Variants in CTDSPL observed in about 807,000 individuals in gnomAD.
The protein encoded by CTDSPL is CTD small phosphatase like.
A neutral mutation model predicts 30.5 loss-of-function variants in CTDSPL; 8 were observed. That is an observed-to-expected ratio of 0.26 (90% CI 0.15 to 0.47). The LOEUF is 0.47. Among genes scored for constraint, CTDSPL ranks in the 20% least tolerant of loss-of-function variants. CTDSPL has a pLI of 0.99. For missense variants in CTDSPL, 248 were observed against 366.1 expected, an observed-to-expected ratio of 0.68 and a Z score of 2.63; for synonymous variants, 110 against 137.9, an observed-to-expected ratio of 0.80 and a Z score of 1.42.
intron 1 of CTDSPL, among the ~76,000 whole-genome samples, chr3:37,904,208 T>C (rs371384513): frequency 6.6e-6 from 1 of 152,254 alleles, no homozygotes; most frequent in African/African-American, 2.4e-5. Context: ...CATTTGCACC[T>C]GAAGCAGAGA....
rs563446198 is a variant in CTDSPL, at chr3:37,913,261, A to G, written c.80-33796A>G. Among the ~76,000 whole-genome samples, 4 of 152,306 alleles carry G rather than the reference A, an allele frequency of 2.6e-5. No homozygotes were observed. The South Asian group carries it at 8.3e-4, about 32-fold the overall frequency. On this transcript the variant is annotated intron_variant, in intron 1 of 7. Transcript: ENST00000273179. The stretch of plus-strand genomic sequence containing the variant: ...CTTGAGCCCAGGAGGTGGAGGTTGC[A>G]GTGAGCTGAGATTGTGCCACTGCAC...
In CTDSPL at chr3:37,975,668, CTT is replaced by C. The variant is rs1277563166; in HGVS notation, c.520-38_520-37del. The C allele has an allele frequency of 1.3e-6, 2 of 1,558,200 alleles. No homozygotes were observed. Among genetic ancestry groups the C allele is most frequent in the South Asian group, 1.2e-5 (1 of 83,676 alleles). On this transcript the variant is annotated intron_variant, in intron 6 of 7. Transcript: ENST00000273179. The surrounding 1 kb of genome is among the most constrained non-coding windows in gnomAD (Gnocchi z 4.9). Reference sequence around the variant, plus strand: ...GCTGTAGTTCAGGGTTTGGGGGGCTCTTTTAAACACCCAGCCTTCATTGTGAC... The same window carrying C: ...GCTGTAGTTCAGGGTTTGGGGGGCTCTTAAACACCCAGCCTTCATTGTGAC...
intron 3 of CTDSPL, among the ~76,000 whole-genome samples, chr3:37,960,535 TACACACACACACACACACAC>T (rs71288085): frequency 6.1e-5 from 1 of 16,302 alleles, no homozygotes; most frequent in Admixed American, 1.4e-3. Context: ...TATATATATA[TACACACACACACACACACAC>T]ACACACACAC....
intron 1 of CTDSPL, among the ~76,000 whole-genome samples, chr3:37,868,668 C>T (rs1022763774): frequency 1.3e-5 from 2 of 152,036 alleles, no homozygotes; most frequent in African/African-American, 4.8e-5. Context: ...ATCTGTCCTT[C>T]CTCCTTTGAA....
Position 37,983,170 on chromosome 3 carries a change from G to A in CTDSPL, c.*2303G>A, listed in dbSNP as rs1699512309. On this transcript the variant is annotated 3_prime_UTR_variant, in exon 8 of 8. Transcript: ENST00000273179. The stretch of plus-strand genomic sequence containing the variant: ...CTGCACCACGGACACAGAATGTCTG[G>A]AGAGGGCCAGCAGGCCCTCTGAGGG... 6.6e-6 allele frequency: 1 copy of A among 152,568 alleles called. No homozygotes were observed. Among genetic ancestry groups the A allele is most frequent in the Admixed American group, 6.5e-5 (1 of 15,322 alleles). The allele number at this position is 152,568 out of a possible 1,614,324, so 9.5% of individuals were successfully genotyped here.
At chr3:37,976,036 C>A in intron 7 of CTDSPL, 142 bp downstream of exon 7, 1 of 886,550 alleles carries the variant, frequency 1.1e-6, no homozygotes, top group Non-Finnish European at 1.7e-6. Context: ...TTAGCAGTTG[C>A]GTGTCATTGA....
intron 6 of CTDSPL, among the ~76,000 whole-genome samples, chr3:37,972,834 C>G (rs1310292655): frequency 6.6e-6 from 1 of 152,244 alleles, no homozygotes; most frequent in Non-Finnish European, 1.5e-5. Context: ...CCATGGGCAT[C>G]TCAGGGACCC....
rs1699510784 is a variant in CTDSPL, at chr3:37,983,070, T to C, written c.*2203T>C. 5.7e-6 allele frequency: 1 copy of C among 175,914 alleles called. No individual in the cohort carries two copies. The highest frequency in any genetic ancestry group is 1.2e-4 in the South Asian group (1 of 8,476). 10.9% of individuals were successfully genotyped at this position (175,914 alleles called of 1,614,324 possible). A position where few individuals can be genotyped will look rare whatever the true frequency, so the allele number is the denominator to read the frequency against. ...ACTTGGCAGACTTGAGCCAGACACT[T>C]CACCTAGTAGTTCCTGAAACTGTGA... On this transcript the variant is annotated 3_prime_UTR_variant, in exon 8 of 8. Coordinates refer to ENST00000273179, the MANE Select transcript of CTDSPL (RefSeq NM_001008392.2).
chr3:37,939,116 T>C (rs1159310528), intron 1 of CTDSPL, among the ~76,000 whole-genome samples: 1 of 150,220 alleles, frequency 6.7e-6, no homozygotes, highest in Non-Finnish European at 1.5e-5. Context: ...CAGGCTGTTT[T>C]TGTGAGGACC....
intron 1 of CTDSPL, among the ~76,000 whole-genome samples, chr3:37,938,130 G>T (rs1698935783): frequency 6.7e-6 from 1 of 150,174 alleles, no homozygotes; most frequent in African/African-American, 2.4e-5. Context: ...CTCTGATCTT[G>T]TCCTGAACTC....
chr3:37,862,142 C>A lies in CTDSPL; in HGVS notation c.-58C>A. The A allele has an allele frequency of 1.1e-6, 1 of 911,378 alleles. No homozygotes were observed. Among genetic ancestry groups the A allele is most frequent in the Non-Finnish European group, 1.3e-6 (1 of 766,092 alleles). 56.5% of individuals were successfully genotyped at this position (911,378 alleles called of 1,614,324 possible). A position where few individuals can be genotyped will look rare whatever the true frequency, so the allele number is the denominator to read the frequency against. ...GCCCCCGCGCCCCCCGCGCCGCGCC[C>A]CCGCGCGCTTGGCTTGCGGGGGGCC... On this transcript the variant is annotated 5_prime_UTR_variant, in exon 1 of 8. Transcript: ENST00000273179. This position sits in a 1 kb window ranked among gnomAD's most constrained non-coding sequence, Gnocchi z 4.3.
chr3:37,912,949 C>G (rs1005580774), intron 1 of CTDSPL, among the ~76,000 whole-genome samples: 1 of 152,160 alleles, frequency 6.6e-6, no homozygotes, highest in African/African-American at 2.4e-5. Context: ...CAAAAATTTT[C>G]CTTTCACATA....
intron 1 of CTDSPL, among the ~76,000 whole-genome samples, chr3:37,884,901 G>A (rs918106346): frequency 2.6e-5 from 4 of 152,106 alleles, no homozygotes; most frequent in African/African-American, 9.7e-5. Context: ...GGGGTCTTGA[G>A]GAAAGTGATA....
At chr3:37,930,112 A>C (rs1450655596) in intron 1 of CTDSPL, among the ~76,000 whole-genome samples, 3 of 128,888 alleles carry the variant, frequency 2.3e-5, no homozygotes, top group Non-Finnish European at 5.0e-5. Flanking sequence ...GTCTCAAAAA[A>C]AAAGAAAAAA....
intron 1 of CTDSPL, among the ~76,000 whole-genome samples, chr3:37,917,958 A>T (rs1218752188): frequency 6.6e-6 from 1 of 152,170 alleles, no homozygotes. Context: ...AGAATTTCCA[A>T]GTTTCGTAGA....
intron 1 of CTDSPL, among the ~76,000 whole-genome samples, chr3:37,870,242 T>G (rs955250452): frequency 1.1e-4 from 16 of 152,104 alleles, no homozygotes; most frequent in African/African-American, 3.9e-4. Flanking sequence ...TTAATAGTTA[T>G]AGAGCTATTT....
At chr3:37,951,309 AT>A in intron 2 of CTDSPL, among the ~76,000 whole-genome samples, 1 of 151,744 alleles carries the variant, frequency 6.6e-6, no homozygotes, top group Non-Finnish European at 1.5e-5. Flanking sequence ...TGGAGCTTGC[AT>A]TGAGCCGAGA....
chr3:37,896,671 T>C (rs1002190994), intron 1 of CTDSPL, among the ~76,000 whole-genome samples: 8 of 152,082 alleles, frequency 5.3e-5, no homozygotes, highest in African/African-American at 1.9e-4. Flanking sequence ...CCTGAGTAGC[T>C]GGAACTACAG....
intron 1 of CTDSPL, among the ~76,000 whole-genome samples, chr3:37,893,665 G>A (rs184135811): frequency 6.6e-6 from 1 of 152,226 alleles, no homozygotes; most frequent in African/African-American, 2.4e-5. Flanking sequence ...TCTAGGTCTC[G>A]ATAATGTTTA....
Sources: allele counts gnomAD v4.1 joint callset (sites outside exome capture counted in the v4.1 genomes callset), GRCh38; gene constraint gnomAD v4.1.1; non-coding constraint Gnocchi (gnomAD v3.1); transcripts MANE v1.5; gene names NCBI Gene and HGNC (gene_info 2026-07-23, HGNC 2026-07-21).